The following TSHR variants were observed in gnomAD, a reference collection of about 807,000 sequenced individuals.
TSHR encodes the protein thyroid stimulating hormone receptor, also known as thyrotropin receptor.
In TSHR, 51 loss-of-function variants were observed where a neutral mutation model predicts 64.1. The observed-to-expected ratio is 0.80, with a 90% CI of 0.64 to 1.01. TSHR has a LOEUF of 1.01. TSHR is among the 50% of genes least tolerant of loss of function. The pLI is 0.00. For missense variants in TSHR, 877 were observed against 942.8 expected, an observed-to-expected ratio of 0.93 and a Z score of 0.91; for synonymous variants, 361 against 361.9, an observed-to-expected ratio of 1.00 and a Z score of 0.03.
intron 1 of TSHR, chr14:80,994,817 C>T (rs1004368425): frequency 3.9e-5 from 6 of 152,082 alleles, no homozygotes; most frequent in African/African-American, 1.2e-4. Flanking sequence ...GACGTAGGCA[C>T]GGGCAAAGAT....
intron 2 of TSHR, among the ~76,000 whole-genome samples, chr14:81,062,807 A>G (rs1342763374): frequency 6.6e-6 from 1 of 152,138 alleles, no homozygotes; most frequent in Non-Finnish European, 1.5e-5. Flanking sequence ...ATTTCATTTA[A>G]TTGATTTTGA....
intron 3 of TSHR, among the ~76,000 whole-genome samples, chr14:81,069,652 G>A (rs1050420782): frequency 6.6e-6 from 1 of 152,146 alleles, no homozygotes; most frequent in African/African-American, 2.4e-5. Context: ...TGCTAAGAAG[G>A]ATTGTTCCTA....
intron 1 of TSHR, among the ~76,000 whole-genome samples, chr14:80,966,971 A>C (rs2139695639): frequency 6.6e-6 from 1 of 152,268 alleles, no homozygotes; most frequent in South Asian, 2.1e-4. Context: ...TTCCACACTC[A>C]TAAACGAATT....
chr14:81,108,052 A>AT (rs1890013162), intron 7 of TSHR, among the ~76,000 whole-genome samples: 2 of 152,176 alleles, frequency 1.3e-5, no homozygotes, highest in Admixed American at 1.3e-4. Flanking sequence ...GAGGATTGGC[A>AT]TTAAAGAGAA....
At chr14:81,027,720 A>G (rs548206517) in intron 1 of TSHR, among the ~76,000 whole-genome samples, 1 of 152,356 alleles carries the variant, frequency 6.6e-6, no homozygotes, top group Admixed American at 6.5e-5. Context: ...TAGGTCAACC[A>G]AGATATAAAT....
At chr14:81,053,908 ATGT>A (rs1295902902) in intron 1 of TSHR, 1 of 152,222 alleles carries the variant, frequency 6.6e-6, no homozygotes, top group Non-Finnish European at 1.5e-5. Context: ...CAGAAACATT[ATGT>A]TGAATAAAAG....
At chr14:81,104,604 G>A (rs947453604) in intron 7 of TSHR, 7 of 985,260 alleles carry the variant, frequency 7.1e-6, no homozygotes, top group African/African-American at 3.5e-5. Context: ...CTGAATGGCC[G>A]CTATGTGCCA....
At chr14:81,048,641 G>C (rs926048444) in intron 1 of TSHR, among the ~76,000 whole-genome samples, 4 of 152,120 alleles carry the variant, frequency 2.6e-5, no homozygotes, top group Non-Finnish European at 5.9e-5. Flanking sequence ...ATAAATACAA[G>C]TTATTATAAA....
chr14:81,103,186 T>C lies in TSHR; in HGVS notation c.615-5189T>C. The stretch of plus-strand genomic sequence containing the variant: ...AAAGGTCAAGGTTCCATGGTAATAA[T>C]AAAATAGTATTCACATTGTGTTTTT... On this transcript the variant is annotated intron_variant, in intron 7 of 9. Transcript: ENST00000298171. This position sits in a 1 kb window ranked among gnomAD's most constrained non-coding sequence, Gnocchi z 4.1. 1.0e-6 allele frequency: 1 copy of C among 985,426 alleles called. No individual in the cohort carries two copies. The highest frequency in any genetic ancestry group is 6.1e-5 in the Admixed American group (1 of 16,280). 61.0% of individuals were successfully genotyped at this position (985,426 alleles called of 1,614,324 possible).
chr14:81,039,334 AT>A (rs1335420974), intron 1 of TSHR, among the ~76,000 whole-genome samples: 1 of 152,024 alleles, frequency 6.6e-6, no homozygotes, highest in Non-Finnish European at 1.5e-5. Context: ...TAGAAGGAAC[AT>A]ACCTTAACAT....
intron 3 of TSHR, among the ~76,000 whole-genome samples, chr14:81,069,821 T>C (rs1438411574): frequency 6.6e-6 from 1 of 151,770 alleles, no homozygotes; most frequent in Non-Finnish European, 1.5e-5. Context: ...GAGAAGAAAA[T>C]AGACAATAGA....
chr14:81,032,223 C>T (rs1002867811), intron 1 of TSHR, among the ~76,000 whole-genome samples: 55 of 152,216 alleles, frequency 3.6e-4, no homozygotes, highest in African/African-American at 1.3e-3. Context: ...GTATTTTCTC[C>T]CTCAACTGTT....
Position 81,087,989 on chromosome 14 carries a change from AC to A in TSHR, c.356del (p.Pro119LeufsTer10). On this transcript the variant is annotated frameshift_variant, in exon 4 of 10. Transcript: ENST00000298171. LOFTEE classifies it high-confidence loss of function. ...AATACCAGGAACTTAACTTACATAG[AC>A]CCTGATGCCCTCAAAGAGCTCCCCC... ...IRNTRNLTYI[D>X]PDALKELPLL... 1 of 1,613,936 alleles carries A rather than the reference AC, an allele frequency of 6.2e-7. No individual in the cohort carries two copies. The highest frequency in any genetic ancestry group is 8.5e-7 in the Non-Finnish European group (1 of 1,179,868).
intron 1 of TSHR, among the ~76,000 whole-genome samples, chr14:81,011,326 T>A (rs114791931): frequency 0.012 from 1,802 of 152,080 alleles, 21 homozygotes; most frequent in African/African-American, 0.016. Flanking sequence ...ACAGGGAAAA[T>A]AGATAGACAA....
At chr14:81,133,525 C>T (rs1407567523) in intron 8 of TSHR, among the ~76,000 whole-genome samples, 4 of 152,184 alleles carry the variant, frequency 2.6e-5, no homozygotes, top group Admixed American at 6.5e-5. Context: ...TAATCCTGTA[C>T]TCTATTTATG....
chr14:81,018,762 T>G (rs1883563907), intron 1 of TSHR, among the ~76,000 whole-genome samples: 1 of 152,128 alleles, frequency 6.6e-6, no homozygotes, highest in Non-Finnish European at 1.5e-5. Flanking sequence ...TCCCACTACA[T>G]GAATAAGTGA....
intron 1 of TSHR, chr14:80,981,912 A>T (rs1260708992): frequency 4.7e-6 from 1 of 212,020 alleles, no homozygotes; most frequent in Non-Finnish European, 1.1e-5. Context: ...ACAGTGAAAG[A>T]GTATTAAGAC....
chr14:80,985,428 G>A (rs989308572), intron 1 of TSHR, among the ~76,000 whole-genome samples: 1 of 152,248 alleles, frequency 6.6e-6, no homozygotes, highest in Non-Finnish European at 1.5e-5. Flanking sequence ...TAACACGACA[G>A]AATAAATGTA....
chr14:80,979,039 A>G (rs1453759628), intron 1 of TSHR, among the ~76,000 whole-genome samples: 1 of 152,192 alleles, frequency 6.6e-6, no homozygotes, highest in African/African-American at 2.4e-5. Context: ...TATATTTAAC[A>G]TTTCCAAAGG....
Sources: gnomAD v4.1 joint callset for allele counts (sites outside exome capture counted in the v4.1 genomes callset) on GRCh38, gnomAD v4.1.1 for gene constraint, Gnocchi (gnomAD v3.1) non-coding constraint, MANE v1.5 for transcripts, NCBI Gene and HGNC (gene_info 2026-07-23, HGNC 2026-07-21) for gene names.